RUNX1: variants seen among roughly 807,000 people sequenced by gnomAD.
The protein encoded by RUNX1 is runt-related transcription factor 1.
Under a neutral mutation model 42.8 loss-of-function variants are expected in RUNX1, and 19 were observed. The observed-to-expected ratio is 0.44, with a 90% CI of 0.31 to 0.65. The LOEUF (loss-of-function observed/expected upper bound fraction) is 0.65. Among genes scored for constraint, RUNX1 ranks in the 30% least tolerant of loss-of-function variants. The probability of loss-of-function intolerance (pLI) is 0.07; values close to 1 mark genes in which losing one functional copy is unlikely to be tolerated. For synonymous variants in RUNX1, 271 were observed against 289.4 expected (o/e 0.94, Z 0.64); for missense variants, 528 against 672.0 (o/e 0.79, Z 2.37).
At chr21:34,977,625 G>A (rs2058812871) in intron 2 of RUNX1, among the ~76,000 whole-genome samples, 1 of 152,220 alleles carries the variant, frequency 6.6e-6, no homozygotes, top group African/African-American at 2.4e-5. Context: ...ACACATGGAA[G>A]TGGGGACAGT....
At chr21:34,918,494 C>T (rs1039854856) in intron 2 of RUNX1, among the ~76,000 whole-genome samples, 1 of 152,184 alleles carries the variant, frequency 6.6e-6, no homozygotes, top group African/African-American at 2.4e-5. Context: ...ATTTGCTTAT[C>T]TTATATATTG....
rs759469999 is a variant in RUNX1, at chr21:34,790,735, CTT to C, written c.*1398_*1399del. On this transcript the variant is annotated 3_prime_UTR_variant, in exon 9 of 9. Transcript: ENST00000675419. ...GCACAGGTGGGACCATGTTTTCCCA[CTT>C]GTCTCCACTGAGGCACACAGAGGCA... 1 of 233,158 alleles carries C rather than the reference CTT, an allele frequency of 4.3e-6. No individual in the cohort carries two copies. The highest frequency in any genetic ancestry group is 8.5e-6 in the Non-Finnish European group (1 of 118,054). The allele number at this position is 233,158 out of a possible 1,614,324, so 14.4% of individuals were successfully genotyped here.
intron 2 of RUNX1, among the ~76,000 whole-genome samples, chr21:34,929,062 T>C (rs998482556): frequency 5.9e-5 from 9 of 152,142 alleles, no homozygotes; most frequent in African/African-American, 2.2e-4. Flanking sequence ...GCATGTCCTC[T>C]TTATCTCAAC....
intron 7 of RUNX1, among the ~76,000 whole-genome samples, chr21:34,822,459 T>C (rs967094009): frequency 6.6e-6 from 1 of 152,250 alleles, no homozygotes; most frequent in African/African-American, 2.4e-5. Flanking sequence ...AACCCAGGTA[T>C]AGACACAATC....
At chr21:34,885,256 C>T (rs1341024617) in intron 4 of RUNX1, among the ~76,000 whole-genome samples, 1 of 152,166 alleles carries the variant, frequency 6.6e-6, no homozygotes, top group Non-Finnish European at 1.5e-5. Context: ...GCCCGTCTTG[C>T]CTCTGCTCTT....
At chr21:34,891,707 TAAAAA>T (rs200304107) in intron 3 of RUNX1, among the ~76,000 whole-genome samples, 5 of 147,720 alleles carry the variant, frequency 3.4e-5, no homozygotes, top group Admixed American at 2.7e-4. Context: ...AATGCAAAAT[TAAAAA>T]AAAAAAAAAT....
chr21:34,836,159 G>A (rs1299205325), intron 6 of RUNX1, among the ~76,000 whole-genome samples: 1 of 152,210 alleles, frequency 6.6e-6, no homozygotes, highest in Non-Finnish European at 1.5e-5. Flanking sequence ...CTCTTGTCAT[G>A]TGTCACCAAG....
intron 2 of RUNX1, among the ~76,000 whole-genome samples, chr21:34,986,732 G>A (rs893832876): frequency 6.6e-6 from 1 of 151,910 alleles, no homozygotes; most frequent in African/African-American, 2.4e-5. Flanking sequence ...AGATGCTGGG[G>A]GAAGCAAGGA....
intron 2 of RUNX1, among the ~76,000 whole-genome samples, chr21:34,987,648 T>TA (rs1007396220): frequency 4.6e-5 from 7 of 151,846 alleles, no homozygotes; most frequent in East Asian, 3.9e-4. Flanking sequence ...CTGACATCGC[T>TA]AAAAAAATTC....
intron 7 of RUNX1, among the ~76,000 whole-genome samples, chr21:34,807,543 C>T (rs1256269385): frequency 6.6e-6 from 1 of 152,158 alleles, no homozygotes; most frequent in Admixed American, 6.5e-5. Flanking sequence ...CTAGGGGCAG[C>T]CCTGGTTATT....
At chr21:34,887,250 G>GGGGGGGGGGGGGGGGT in intron 3 of RUNX1, 154 bp from the exon 4 acceptor site, 1 of 752,488 alleles carries the variant, frequency 1.3e-6, no homozygotes, top group South Asian at 1.8e-5. Context: ...GGTGGGGGGG[G>GGGGGGGGGGGGGGGGT]GCGGGGGTGG....
rs1012192424 is a variant in RUNX1 at position 35,049,190 on chromosome 21, T to G, written c.-82A>C. ...CACCACGCTGCGAAACCCTGTGGTT[T>G]GCATTCAGTGTGATTCGTCCTGCCT... On this transcript the variant is annotated 5_prime_UTR_variant, in exon 1 of 9. Transcript: ENST00000675419. 9 of 442,670 alleles carry G rather than the reference T, an allele frequency of 2.0e-5. No individual in the cohort carries two copies. The highest frequency in any genetic ancestry group is 3.7e-5 in the Admixed American group (1 of 26,940). The allele number at this position is 442,670 out of a possible 1,614,324, so 27.4% of individuals were successfully genotyped here.
At chr21:35,038,823 C>T (rs1236281716) in intron 2 of RUNX1, 10 of 445,572 alleles carry the variant, frequency 2.2e-5, no homozygotes, top group Non-Finnish European at 3.6e-5. Context: ...AGCCTGGCAG[C>T]CTTGGCCGAG....
rs898099958 is a variant in RUNX1, at chr21:34,789,247, CT to C, written c.*2887del. ...ATTTGGTACTGGGTGGGGGTATGTG[CT>C]ATCTGCTTAAGAGAACACAGGAAAA... On this transcript the variant is annotated 3_prime_UTR_variant, in exon 9 of 9. Coordinates refer to ENST00000675419, the MANE Select transcript of RUNX1 (RefSeq NM_001754.5). The C allele has an allele frequency of 8.6e-6, 2 of 232,016 alleles. No individual in the cohort carries two copies. The highest frequency in any genetic ancestry group is 4.5e-5 in the African/African-American group (2 of 44,794). The allele number at this position is 232,016 out of a possible 1,614,324, so 14.4% of individuals were successfully genotyped here.
At chr21:34,879,918 C>T (rs1268473115) in intron 5 of RUNX1, among the ~76,000 whole-genome samples, 1 of 152,080 alleles carries the variant, frequency 6.6e-6, no homozygotes, top group Non-Finnish European at 1.5e-5. Flanking sequence ...CTTGGATAAT[C>T]CAATCTCTAA....
chr21:34,855,044 G>A (rs2057477019), intron 6 of RUNX1, among the ~76,000 whole-genome samples: 1 of 152,194 alleles, frequency 6.6e-6, no homozygotes. Flanking sequence ...GGGACAGACA[G>A]AAGTTATCTC....
chr21:35,021,641 A>G (rs1243930741), intron 2 of RUNX1, among the ~76,000 whole-genome samples: 1 of 152,240 alleles, frequency 6.6e-6, no homozygotes, highest in East Asian at 1.9e-4. Flanking sequence ...GAGTTGGAGA[A>G]AGAGCCCATC....
intron 2 of RUNX1, among the ~76,000 whole-genome samples, chr21:34,961,140 C>G (rs1226752204): frequency 6.6e-6 from 1 of 152,062 alleles, no homozygotes; most frequent in Non-Finnish European, 1.5e-5. Flanking sequence ...CTTTGGGAGG[C>G]TGAGATGGAT....
At chr21:35,012,685 A>T (rs2059134247) in intron 2 of RUNX1, among the ~76,000 whole-genome samples, 1 of 152,170 alleles carries the variant, frequency 6.6e-6, no homozygotes, top group South Asian at 2.1e-4. Context: ...TCTGAGCATG[A>T]CTTTGGACAA....
Sources: gnomAD v4.1 joint callset for allele counts (sites outside exome capture counted in the v4.1 genomes callset) on GRCh38, gnomAD v4.1.1 for gene constraint, MANE v1.5 for transcripts, NCBI Gene and HGNC (gene_info 2026-07-23, HGNC 2026-07-21) for gene names.